The following PLCL2 variants were observed in gnomAD, a reference collection of about 807,000 sequenced individuals.
PLCL2 encodes phospholipase C like 2.
Under a neutral mutation model 79.6 loss-of-function variants are expected in PLCL2, and 4 were observed. The ratio of observed to expected loss-of-function variants is 0.05; its 90% CI spans 0.02 to 0.11. PLCL2 has a LOEUF of 0.11. Among genes scored for constraint, PLCL2 ranks in the 10% least tolerant of loss-of-function variants. The probability of loss-of-function intolerance (pLI) is 1.00; values close to 1 mark genes in which losing one functional copy is unlikely to be tolerated. For missense variants in PLCL2, 895 were observed against 1,291.0 expected (o/e 0.69, Z 4.70); for synonymous variants, 484 against 457.7 (o/e 1.06, Z -0.73).
intron 1 of PLCL2, among the ~76,000 whole-genome samples, chr3:16,938,571 C>G (rs1019907516): frequency 3.9e-5 from 6 of 152,042 alleles, no homozygotes; most frequent in African/African-American, 1.2e-4. Flanking sequence ...TTGATTGTCC[C>G]TTATTTAAAT....
At chr3:17,022,554 G>A (rs993761526) in intron 3 of PLCL2, among the ~76,000 whole-genome samples, 1 of 152,166 alleles carries the variant, frequency 6.6e-6, no homozygotes, top group Admixed American at 6.6e-5. Flanking sequence ...AATTCTGTTA[G>A]TGCTCTGGAG....
intron 3 of PLCL2, among the ~76,000 whole-genome samples, chr3:17,040,409 A>G (rs1182289454): frequency 3.9e-5 from 6 of 152,226 alleles, no homozygotes; most frequent in Admixed American, 2.0e-4. Context: ...TAATAATGCA[A>G]CTTGTTTCTC....
At chr3:16,938,082 C>A (rs888676915) in intron 1 of PLCL2, among the ~76,000 whole-genome samples, 1 of 152,178 alleles carries the variant, frequency 6.6e-6, no homozygotes, top group African/African-American at 2.4e-5. Flanking sequence ...ATCATTGTTA[C>A]ATGTATTTTT....
At chr3:17,057,164 A>ATGT (rs2064900001) in intron 4 of PLCL2, among the ~76,000 whole-genome samples, 1 of 152,200 alleles carries the variant, frequency 6.6e-6, no homozygotes, top group Admixed American at 6.5e-5. Flanking sequence ...AACACTAGTC[A>ATGT]TGTTCCTCGG....
intron 3 of PLCL2, among the ~76,000 whole-genome samples, chr3:17,023,139 T>C (rs1349677290): frequency 1.3e-5 from 2 of 152,154 alleles, no homozygotes; most frequent in African/African-American, 4.8e-5. Flanking sequence ...TGGGGGGATT[T>C]CCCAGCTCCA....
At chr3:17,017,220 A>G (rs1330182238) in intron 3 of PLCL2, among the ~76,000 whole-genome samples, 1 of 152,176 alleles carries the variant, frequency 6.6e-6, no homozygotes, top group Non-Finnish European at 1.5e-5. Context: ...GTTGTTATAG[A>G]TTTGGCAAGA....
intron 4 of PLCL2, among the ~76,000 whole-genome samples, chr3:17,062,804 C>T (rs1445295083): frequency 2.6e-5 from 4 of 151,932 alleles, no homozygotes; most frequent in African/African-American, 9.7e-5. Context: ...AAAAAAAATC[C>T]CAGTTCTTAT....
In PLCL2 at chr3:17,010,716, CA is replaced by C; in HGVS notation, c.1371del (p.Gly458AspfsTer15). ...EDQFRGPSDI[T>X]GYIRALKMGC... ...CAGTTCCGAGGTCCCTCCGACATCA[CA>C]GGATATATTCGAGCTCTTAAAATGG... On this transcript the variant is annotated frameshift_variant, in exon 2 of 6. Transcript: ENST00000615277. LOFTEE classifies it high-confidence loss of function. The surrounding 1 kb of genome is among the most constrained non-coding windows in gnomAD (Gnocchi z 5.8). 6.2e-7 allele frequency: 1 copy of C among 1,614,128 alleles called. No homozygotes were observed. Among genetic ancestry groups the C allele is most frequent in the Non-Finnish European group, 8.5e-7 (1 of 1,179,990 alleles).
intron 3 of PLCL2, among the ~76,000 whole-genome samples, chr3:17,028,067 C>T (rs1053510338): frequency 5.9e-5 from 9 of 152,106 alleles, no homozygotes; most frequent in Admixed American, 4.6e-4. Context: ...AAAAATGAGC[C>T]AGTCCAAGAA....
intron 1 of PLCL2, among the ~76,000 whole-genome samples, chr3:16,953,913 T>A (rs998671544): frequency 6.6e-6 from 1 of 152,120 alleles, no homozygotes; most frequent in Non-Finnish European, 1.5e-5. Context: ...ATATTTCAAT[T>A]TTGAGTTGAT....
intron 5 of PLCL2, among the ~76,000 whole-genome samples, chr3:17,074,964 T>G (rs1196706585): frequency 1.3e-5 from 2 of 152,246 alleles, no homozygotes; most frequent in Non-Finnish European, 2.9e-5. Context: ...AGTTTTGCTT[T>G]CTTATCATTC....
intron 1 of PLCL2, among the ~76,000 whole-genome samples, chr3:17,004,254 G>C (rs1425813547): frequency 6.6e-6 from 1 of 152,048 alleles, no homozygotes; most frequent in Admixed American, 6.6e-5. Flanking sequence ...TTTCTGTGTT[G>C]TAAACCGCCA....
chr3:17,035,871 C>A (rs1221432304), intron 3 of PLCL2: 9 of 480,192 alleles, frequency 1.9e-5, no homozygotes, highest in Non-Finnish European at 3.7e-5. Context: ...TGTGTGGCAG[C>A]ACCCAAATAT....
At chr3:16,961,184 C>T (rs1294908474) in intron 1 of PLCL2, among the ~76,000 whole-genome samples, 1 of 152,210 alleles carries the variant, frequency 6.6e-6, no homozygotes, top group Admixed American at 6.5e-5. Context: ...ATTGTATACT[C>T]GTGGTATTTA....
At chr3:16,888,574 A>G (rs1017691888) in intron 1 of PLCL2, among the ~76,000 whole-genome samples, 2 of 152,242 alleles carry the variant, frequency 1.3e-5, no homozygotes, top group Non-Finnish European at 1.5e-5. Flanking sequence ...TAAGTAATCT[A>G]GTAAATGAAA....
chr3:16,922,049 T>A (rs969399460), intron 1 of PLCL2, among the ~76,000 whole-genome samples: 3 of 152,326 alleles, frequency 2.0e-5, no homozygotes, highest in Admixed American at 2.0e-4. Context: ...CTATTTTTAA[T>A]CTATGTCAGG....
chr3:17,001,528 G>A (rs556853432), intron 1 of PLCL2, among the ~76,000 whole-genome samples: 9 of 152,160 alleles, frequency 5.9e-5, no homozygotes, highest in African/African-American at 1.9e-4. Context: ...TTTGATTTTT[G>A]TATATGGTAA....
chr3:17,034,300 C>T (rs530750330), intron 3 of PLCL2, among the ~76,000 whole-genome samples: 17 of 152,274 alleles, frequency 1.1e-4, no homozygotes, highest in Non-Finnish European at 1.2e-4. Flanking sequence ...TGGGTTCCCC[C>T]TTTTACCCTG....
chr3:16,971,863 T>A (rs1040408408), intron 1 of PLCL2, among the ~76,000 whole-genome samples: 9 of 152,218 alleles, frequency 5.9e-5, no homozygotes, highest in African/African-American at 1.9e-4. Flanking sequence ...CTGTTATTGG[T>A]GTATAAGAAT....
Sources: gnomAD v4.1 joint callset for allele counts (sites outside exome capture counted in the v4.1 genomes callset) on GRCh38, gnomAD v4.1.1 for gene constraint, Gnocchi (gnomAD v3.1) non-coding constraint, MANE v1.5 for transcripts, NCBI Gene and HGNC (gene_info 2026-07-23, HGNC 2026-07-21) for gene names.